ATRNL1: variants seen among roughly 807,000 people sequenced by gnomAD.
The protein encoded by ATRNL1 is attractin like 1.
ATRNL1 carries 95 observed loss-of-function variants against 182.7 expected under a neutral mutation model. The ratio of observed to expected loss-of-function variants is 0.52; its 90% CI spans 0.44 to 0.62. ATRNL1 has a LOEUF of 0.62. Ranked by LOEUF, ATRNL1 falls within the 20% of genes least tolerant of loss-of-function variation. The probability of loss-of-function intolerance (pLI) is 0.00; values close to 1 mark genes in which losing one functional copy is unlikely to be tolerated. For synonymous variants in ATRNL1, 576 were observed against 568.3 expected (o/e 1.01, Z -0.19); for missense variants, 1,471 against 1,679.5 (o/e 0.88, Z 2.17).
chr10:115,334,177 G>T, intron 18 of ATRNL1, 105 bp from the exon 19 acceptor site: 1 of 685,688 alleles, frequency 1.5e-6, no homozygotes, highest in Non-Finnish European at 2.2e-6. Context: ...GATGCTCTTT[G>T]GGCACTTTTA....
At chr10:115,655,676 G>GT (rs1180683038) in intron 26 of ATRNL1, among the ~76,000 whole-genome samples, 9 of 152,194 alleles carry the variant, frequency 5.9e-5, no homozygotes, top group African/African-American at 2.2e-4. Context: ...GTCAATTTCA[G>GT]TTTTTCCATA....
intron 25 of ATRNL1, among the ~76,000 whole-genome samples, chr10:115,527,966 C>T (rs1554987093): frequency 1.3e-5 from 1 of 77,140 alleles, no homozygotes; most frequent in African/African-American, 5.7e-5. Context: ...CCTTCCCTCC[C>T]TCCCTCCTTC....
chr10:115,425,453 T>G (rs1554962666), intron 20 of ATRNL1, among the ~76,000 whole-genome samples: 1 of 151,994 alleles, frequency 6.6e-6, no homozygotes, highest in Non-Finnish European at 1.5e-5. Context: ...CAAGAAATGT[T>G]ATGCAAAACC....
chr10:115,637,768 G>A (rs1200056803), intron 26 of ATRNL1, among the ~76,000 whole-genome samples: 8 of 151,696 alleles, frequency 5.3e-5, no homozygotes, highest in African/African-American at 1.9e-4. Flanking sequence ...GGGATTCCAG[G>A]CATGCACCAC....
intron 23 of ATRNL1, among the ~76,000 whole-genome samples, chr10:115,468,905 A>G (rs1280874827): frequency 6.6e-6 from 1 of 150,704 alleles, no homozygotes; most frequent in South Asian, 2.1e-4. Context: ...CTTCTGGGAT[A>G]TTATTGGTTT....
intron 8 of ATRNL1, among the ~76,000 whole-genome samples, chr10:115,191,764 A>G (rs1848178012): frequency 6.6e-6 from 1 of 151,938 alleles, no homozygotes; most frequent in African/African-American, 2.4e-5. Flanking sequence ...CCCTTCCGCC[A>G]TGATTGCAAG....
At chr10:115,509,842 C>T (rs1416850869) in intron 24 of ATRNL1, among the ~76,000 whole-genome samples, 4 of 151,904 alleles carry the variant, frequency 2.6e-5, no homozygotes, top group African/African-American at 9.7e-5. Context: ...GGTGATGATT[C>T]CTCTGATGAA....
At chr10:115,391,642 T>C (rs1844025867) in intron 19 of ATRNL1, among the ~76,000 whole-genome samples, 4 of 151,944 alleles carry the variant, frequency 2.6e-5, no homozygotes, top group African/African-American at 9.7e-5. Flanking sequence ...TCTTTCGGAC[T>C]GCAGTAAGGT....
chr10:115,340,442 G>C (rs1487184890), intron 19 of ATRNL1, among the ~76,000 whole-genome samples: 1 of 131,942 alleles, frequency 7.6e-6, no homozygotes, highest in Non-Finnish European at 1.6e-5. Flanking sequence ...CACCCGGCTA[G>C]TTTTCTTTCT....
intron 26 of ATRNL1, among the ~76,000 whole-genome samples, chr10:115,569,862 G>A (rs1555002978): frequency 6.6e-6 from 1 of 151,876 alleles, no homozygotes; most frequent in East Asian, 1.9e-4. Context: ...AGAAACAGAA[G>A]TATATCTCAT....
intron 24 of ATRNL1, among the ~76,000 whole-genome samples, chr10:115,514,742 G>A (rs1156630726): frequency 6.6e-6 from 1 of 151,870 alleles, no homozygotes; most frequent in African/African-American, 2.4e-5. Context: ...ATATTTGGGA[G>A]TGATAATGAG....
chr10:115,258,246 A>G (rs1162566589), intron 10 of ATRNL1, among the ~76,000 whole-genome samples: 5 of 152,008 alleles, frequency 3.3e-5, no homozygotes, highest in Non-Finnish European at 5.9e-5. Flanking sequence ...CAGGTACACC[A>G]ATCAATCAAA....
At chr10:115,640,769 A>T (rs782702580) in intron 26 of ATRNL1, among the ~76,000 whole-genome samples, 53 of 152,070 alleles carry the variant, frequency 3.5e-4, no homozygotes, top group Middle Eastern at 3.2e-3. Flanking sequence ...GAAGCTCTTT[A>T]GTTTAATTAG....
At chr10:115,498,525 TG>T (rs782496747) in intron 24 of ATRNL1, among the ~76,000 whole-genome samples, 16 of 152,050 alleles carry the variant, frequency 1.1e-4, no homozygotes, top group Non-Finnish European at 2.2e-4. Flanking sequence ...TCAGCAATTG[TG>T]GGGTACCTAA....
At chr10:115,393,454 C>A (rs1844131756) in intron 19 of ATRNL1, among the ~76,000 whole-genome samples, 2 of 152,120 alleles carry the variant, frequency 1.3e-5, no homozygotes, top group Non-Finnish European at 2.9e-5. Context: ...TTGACTCATT[C>A]ACTTAATTTT....
intron 26 of ATRNL1, among the ~76,000 whole-genome samples, chr10:115,609,609 C>T (rs1199517581): frequency 5.3e-5 from 8 of 152,064 alleles, no homozygotes; most frequent in African/African-American, 1.9e-4. Context: ...TTTTATTACA[C>T]CTACCCTGCA....
chr10:115,426,746 T>C (rs1044404445), intron 21 of ATRNL1, among the ~76,000 whole-genome samples: 11 of 152,206 alleles, frequency 7.2e-5, no homozygotes, highest in Non-Finnish European at 4.4e-5. Context: ...TTTTCTGAGA[T>C]GGAGTCTTGC....
chr10:115,396,393 T>C (rs1179485127), intron 20 of ATRNL1, among the ~76,000 whole-genome samples: 1 of 152,012 alleles, frequency 6.6e-6, no homozygotes. Context: ...CCTGTGAATT[T>C]ATACAGGTTC....
At chr10:115,784,325 G>C (rs1949343748) in intron 27 of ATRNL1, among the ~76,000 whole-genome samples, 1 of 152,078 alleles carries the variant, frequency 6.6e-6, no homozygotes, top group African/African-American at 2.4e-5. Flanking sequence ...ACGATTGTGG[G>C]GGTAATCACA....
Sources: allele counts gnomAD v4.1 joint callset (sites outside exome capture counted in the v4.1 genomes callset), GRCh38; gene constraint gnomAD v4.1.1; transcripts MANE v1.5; gene names NCBI Gene and HGNC (gene_info 2026-07-23, HGNC 2026-07-21).